DTNA: variants seen among roughly 807,000 people sequenced by gnomAD.
DTNA encodes the protein dystrophin-related protein 3.
A neutral mutation model predicts 100.7 loss-of-function variants in DTNA; 43 were observed. The ratio of observed to expected loss-of-function variants is 0.43; its 90% confidence interval spans 0.33 to 0.55. The LOEUF (loss-of-function observed/expected upper bound fraction) is 0.55. DTNA is among the 20% of genes least tolerant of loss of function. DTNA has a pLI of 0.04. For missense variants in DTNA, 798 were observed against 953.9 expected, an observed-to-expected ratio of 0.84 and a Z score of 2.15; for synonymous variants, 349 against 347.9, an observed-to-expected ratio of 1.00 and a Z score of -0.04.
chr18:34,720,074 C>T (rs947147619), intron 1 of DTNA, among the ~76,000 whole-genome samples: 8 of 152,028 alleles, frequency 5.3e-5, no homozygotes, highest in African/African-American at 1.9e-4. Flanking sequence ...GGAGCTAGTG[C>T]GAGGTTGGCA....
intron 1 of DTNA, among the ~76,000 whole-genome samples, chr18:34,536,843 C>G (rs2145644351): frequency 6.6e-6 from 1 of 151,824 alleles, no homozygotes; most frequent in African/African-American, 2.4e-5. Context: ...GAAAAAGTGG[C>G]CAAATATATC....
At position 34,695,682 on chromosome 18, in the gene DTNA, C is replaced by T. The variant is rs145770611; in HGVS notation, c.-1-60294C>T. On this transcript the variant is annotated intron_variant, in intron 1 of 19. Coordinates refer to the DTNA transcript ENST00000283365. ...CTTAAATCATAAAAACAAGAATTAG[C>T]GTTTAACATAATGTCCTTCTCTATG... is the stretch of plus-strand genomic sequence containing the variant. 1.9e-4 allele frequency among the ~76,000 whole-genome samples: 29 copies of T among 152,262 alleles called. No individual in the cohort carries two copies. In the East Asian group the frequency reaches 5.4e-3, roughly 28 times the overall value.
At chr18:34,790,012 G>T (rs1456925677) in intron 3 of DTNA, among the ~76,000 whole-genome samples, 1 of 152,132 alleles carries the variant, frequency 6.6e-6, no homozygotes, top group Non-Finnish European at 1.5e-5. Flanking sequence ...GTATACCTAG[G>T]ATTCAAACCA....
intron 15 of DTNA, among the ~76,000 whole-genome samples, chr18:34,855,783 A>G (rs896561668): frequency 6.6e-6 from 1 of 152,196 alleles, no homozygotes; most frequent in African/African-American, 2.4e-5. Flanking sequence ...CGAATATTTT[A>G]TCTTGGTTGC....
intron 16 of DTNA, among the ~76,000 whole-genome samples, chr18:34,863,434 T>C (rs2096654870): frequency 6.6e-6 from 1 of 152,238 alleles, no homozygotes; most frequent in African/African-American, 2.4e-5. Flanking sequence ...CCCAAAAATT[T>C]AAATGGATTG....
intron 1 of DTNA, among the ~76,000 whole-genome samples, chr18:34,670,832 A>G (rs566285751): frequency 6.6e-6 from 1 of 152,098 alleles, no homozygotes; most frequent in African/African-American, 2.4e-5. Context: ...GTCTGCCCCT[A>G]CTGGGGGATG....
chr18:34,876,867 A>G (rs774321297), intron 18 of DTNA, among the ~76,000 whole-genome samples: 10 of 152,242 alleles, frequency 6.6e-5, no homozygotes, highest in Non-Finnish European at 1.3e-4. Flanking sequence ...CATATTTTAA[A>G]GAAATGTACT....
chr18:34,854,469 C>A (rs1272648796), intron 15 of DTNA, among the ~76,000 whole-genome samples: 1 of 151,748 alleles, frequency 6.6e-6, no homozygotes, highest in Non-Finnish European at 1.5e-5. Flanking sequence ...AGTGAGTGTC[C>A]CATAATAAAG....
intron 1 of DTNA, among the ~76,000 whole-genome samples, chr18:34,702,085 C>T (rs79790993): frequency 0.015 from 2,241 of 152,266 alleles, 59 homozygotes; most frequent in African/African-American, 0.052. Flanking sequence ...CTGTGTGACC[C>T]TGTCCCCATC....
chr18:34,890,612 A>G lies in DTNA; in HGVS notation c.*2878A>G. On this transcript the variant is annotated 3_prime_UTR_variant, in exon 23 of 23. Coordinates refer to ENST00000444659, the MANE Select transcript of DTNA (RefSeq NM_001386795.1). ...AACCCTCCTCCACAGCGCCATATTA[A>G]TGGAGGAGGGGAGGAAGGTGAAATC... is the stretch of plus-strand genomic sequence containing the variant. The G allele has an allele frequency of 2.0e-6, 2 of 1,015,426 alleles. No individual in the cohort carries two copies. The highest frequency in any genetic ancestry group is 2.8e-6 in the Non-Finnish European group (2 of 717,622). 62.9% of individuals were successfully genotyped at this position (1,015,426 alleles called of 1,614,324 possible). A position where few individuals can be genotyped will look rare whatever the true frequency, so the allele number is the denominator to read the frequency against.
intron 1 of DTNA, among the ~76,000 whole-genome samples, chr18:34,578,229 T>C (rs893391902): frequency 1.3e-5 from 2 of 152,150 alleles, no homozygotes; most frequent in Non-Finnish European, 2.9e-5. Flanking sequence ...TCATCAGTAA[T>C]GTTGAGCATT....
chr18:34,676,539 T>C (rs958345127), intron 1 of DTNA, among the ~76,000 whole-genome samples: 3 of 152,072 alleles, frequency 2.0e-5, no homozygotes, highest in African/African-American at 7.2e-5. Flanking sequence ...AGTAAGAACT[T>C]AAAGAGAGAA....
At chr18:34,710,227 G>A (rs927843208), upstream of DTNA, 2 of 152,130 alleles carry the variant, frequency 1.3e-5, no homozygotes, top group Non-Finnish European at 2.9e-5. Context: ...TCAGCAGCTG[G>A]ATTCATTGCT....
chr18:34,553,918 G>C (rs2045736748), intron 1 of DTNA, among the ~76,000 whole-genome samples: 1 of 151,152 alleles, frequency 6.6e-6, no homozygotes, highest in Non-Finnish European at 1.5e-5. Context: ...TGTGAAGAAA[G>C]TCATTGGTAG....
At chr18:34,547,466 G>A (rs77152396) in intron 1 of DTNA, among the ~76,000 whole-genome samples, 3,936 of 152,156 alleles carry the variant, frequency 0.026, 79 homozygotes, top group Non-Finnish European at 0.04. Context: ...ACTGTGAGAC[G>A]TCTTGGGAGA....
In DTNA at chr18:34,777,946, G is replaced by C. The variant is rs75845495; in HGVS notation, c.148+11905G>C. On this transcript the variant is annotated intron_variant, in intron 3 of 22. Coordinates refer to ENST00000444659, the MANE Select transcript of DTNA (RefSeq NM_001386795.1). ...GAACTTTGACTTTTCTTGCCATAAG[G>C]CTTCTAAAAATCTTAACCCTCATCA... Among the ~76,000 whole-genome samples, 1,287 of 152,220 alleles carry C rather than the reference G, an allele frequency of 8.5e-3. 22 individuals are homozygous for C. The highest frequency in any genetic ancestry group is 0.029 in the African/African-American group (1,184 of 41,524).
intron 1 of DTNA, among the ~76,000 whole-genome samples, chr18:34,523,849 GCTTT>G (rs1192553306): frequency 1.3e-5 from 2 of 152,010 alleles, no homozygotes; most frequent in Non-Finnish European, 2.9e-5. Flanking sequence ...TTACAATCTT[GCTTT>G]CTATTTTTGA....
chr18:34,840,844 T>C (rs1045146841), intron 13 of DTNA, among the ~76,000 whole-genome samples: 9 of 152,156 alleles, frequency 5.9e-5, no homozygotes, highest in Non-Finnish European at 8.8e-5. Flanking sequence ...TCTCATTTTT[T>C]CTTCCCTTTT....
chr18:34,675,993 C>A (rs182402743), intron 1 of DTNA, among the ~76,000 whole-genome samples: 4 of 152,238 alleles, frequency 2.6e-5, no homozygotes, highest in African/African-American at 9.6e-5. Context: ...GTACAGAGTG[C>A]TATTTATGGT....
Sources: gnomAD v4.1 joint callset for allele counts (sites outside exome capture counted in the v4.1 genomes callset) on GRCh38, gnomAD v4.1.1 for gene constraint, MANE v1.5 for transcripts, NCBI Gene and HGNC (gene_info 2026-07-23, HGNC 2026-07-21) for gene names.